CPED1: variants seen among roughly 807,000 people sequenced by gnomAD.
CPED1 encodes cadherin-like and PC-esterase domain-containing protein 1.
CPED1 carries 114 observed loss-of-function variants against 128.2 expected under a neutral mutation model. The ratio of observed to expected loss-of-function variants is 0.89; its 90% confidence interval spans 0.76 to 1.04. The LOEUF is 1.04. Ranked by LOEUF, CPED1 falls within the 50% of genes least tolerant of loss-of-function variation. CPED1 has a pLI of 0.00. For missense variants in CPED1, 1,211 were observed against 1,207.1 expected, an observed-to-expected ratio of 1.00 and a Z score of -0.05; for synonymous variants, 462 against 426.7, an observed-to-expected ratio of 1.08 and a Z score of -1.02.
At chr7:121,147,134 A>T (rs1038273062) in intron 16 of CPED1, among the ~76,000 whole-genome samples, 1 of 152,122 alleles carries the variant, frequency 6.6e-6, no homozygotes, top group Non-Finnish European at 1.5e-5. Flanking sequence ...CTGTATTTCT[A>T]CTGTCCTATG....
chr7:121,129,337 GTATATA>G (rs756336162), intron 11 of CPED1, among the ~76,000 whole-genome samples: 1 of 57,854 alleles, frequency 1.7e-5, no homozygotes, highest in Non-Finnish European at 3.5e-5. Flanking sequence ...ATATATATAC[GTATATA>G]TATATATACA....
At chr7:121,073,782 A>G (rs1325960043) in intron 5 of CPED1, among the ~76,000 whole-genome samples, 1 of 145,950 alleles carries the variant, frequency 6.9e-6, no homozygotes, top group Non-Finnish European at 1.5e-5. Context: ...CAAGATCCAT[A>G]TCTTGAAACC....
intron 22 of CPED1, among the ~76,000 whole-genome samples, chr7:121,284,404 G>T (rs531312605): frequency 6.6e-6 from 1 of 152,114 alleles, no homozygotes; most frequent in Admixed American, 6.5e-5. Context: ...ATTTCAAAAC[G>T]TAATCATGCC....
In CPED1 at chr7:121,271,283, G is replaced by C; in HGVS notation, c.2722-1G>C. On this transcript the variant is annotated splice_acceptor_variant, in intron 21 of 22. Transcript: ENST00000310396. LOFTEE classifies it high-confidence loss of function. ...TTCTCATTCTTCTGCTTTCCAATCA[G>C]AGTGAAGTACAGAACTTATGGAAAG... 6.2e-7 allele frequency: 1 copy of C among 1,605,984 alleles called. No individual in the cohort carries two copies. The highest frequency in any genetic ancestry group is 8.5e-7 in the Non-Finnish European group (1 of 1,175,544).
intron 16 of CPED1, among the ~76,000 whole-genome samples, chr7:121,189,538 C>G (rs544902468): frequency 1.3e-5 from 2 of 151,856 alleles, no homozygotes; most frequent in South Asian, 4.2e-4. Flanking sequence ...CACCAGGTCC[C>G]TCCCCCAACA....
At chr7:121,143,911 A>G (rs1284736083) in intron 16 of CPED1, among the ~76,000 whole-genome samples, 2 of 152,068 alleles carry the variant, frequency 1.3e-5, no homozygotes, top group Non-Finnish European at 2.9e-5. Flanking sequence ...AAAAAAATTC[A>G]GTAAGAAAGG....
At chr7:121,137,753 A>T (rs1229377088) in intron 14 of CPED1, among the ~76,000 whole-genome samples, 3 of 151,980 alleles carry the variant, frequency 2.0e-5, no homozygotes, top group African/African-American at 7.2e-5. Flanking sequence ...AATACATGCT[A>T]CTCCATTCTC....
chr7:121,217,644 A>C (rs1320341032), intron 16 of CPED1, among the ~76,000 whole-genome samples: 1 of 152,034 alleles, frequency 6.6e-6, no homozygotes, highest in Non-Finnish European at 1.5e-5. Context: ...AGCTTGTGAC[A>C]GACTTGATAG....
At chr7:121,168,889 C>A (rs1796592665) in intron 16 of CPED1, among the ~76,000 whole-genome samples, 1 of 152,082 alleles carries the variant, frequency 6.6e-6, no homozygotes, top group Non-Finnish European at 1.5e-5. Flanking sequence ...AAGGTAGACA[C>A]TTCAGTATGG....
At chr7:121,232,606 C>G (rs10953932) in intron 16 of CPED1, among the ~76,000 whole-genome samples, 69,180 of 151,896 alleles carry the variant, frequency 0.46, 16,416 homozygotes, top group Middle Eastern at 0.56. Flanking sequence ...GTCAGTTCTT[C>G]TGGGGAAAGG....
At chr7:121,155,053 A>G (rs999217343) in intron 16 of CPED1, among the ~76,000 whole-genome samples, 4 of 152,158 alleles carry the variant, frequency 2.6e-5, no homozygotes, top group African/African-American at 9.7e-5. Flanking sequence ...ACAAAAATCA[A>G]TGGCATTTAT....
chr7:121,269,472 T>C (rs917698009), intron 21 of CPED1, among the ~76,000 whole-genome samples: 10 of 152,072 alleles, frequency 6.6e-5, no homozygotes, highest in Non-Finnish European at 1.3e-4. Flanking sequence ...AATGCATGTC[T>C]TTTTGGTAGG....
At chr7:121,260,837 C>T (rs1272639915) in intron 18 of CPED1, among the ~76,000 whole-genome samples, 1 of 152,016 alleles carries the variant, frequency 6.6e-6, no homozygotes, top group Admixed American at 6.6e-5. Context: ...GCTACCACTT[C>T]TGTAAATATT....
rs567832673 is a variant in CPED1, at chr7:121,296,181, A to T, written c.*529A>T. ...ATGCTTATGAAAAACATTTCTTCCT[A>T]TACTTTTTAAATTTTATTACTGAAA... On this transcript the variant is annotated 3_prime_UTR_variant, in exon 23 of 23. Coordinates refer to ENST00000310396, the MANE Select transcript of CPED1 (RefSeq NM_024913.5). The T allele has an allele frequency of 2.0e-5, 3 of 152,632 alleles. No individual in the cohort carries two copies. Among genetic ancestry groups the T allele is most frequent in the African/African-American group, 4.8e-5 (2 of 41,454 alleles). 9.5% of individuals were successfully genotyped at this position (152,632 alleles called of 1,614,324 possible).
intron 2 of CPED1, among the ~76,000 whole-genome samples, 170 bp downstream of exon 2, chr7:120,990,040 C>G (rs536597195): frequency 9.9e-5 from 15 of 152,272 alleles, no homozygotes; most frequent in African/African-American, 3.4e-4. Flanking sequence ...TAAGCTTCAA[C>G]TTCTTATAGT....
chr7:121,075,010 A>G (rs1794086722), intron 5 of CPED1, among the ~76,000 whole-genome samples: 1 of 152,120 alleles, frequency 6.6e-6, no homozygotes. Context: ...GCAGCTACAG[A>G]CCTCAATCTG....
intron 2 of CPED1, among the ~76,000 whole-genome samples, chr7:120,990,550 C>A (rs1229636124): frequency 1.3e-5 from 2 of 151,898 alleles, no homozygotes; most frequent in South Asian, 2.1e-4. Flanking sequence ...CAAAGTAACA[C>A]AGGATTTCTA....
At chr7:121,211,126 T>C (rs1409804029) in intron 16 of CPED1, among the ~76,000 whole-genome samples, 1 of 152,106 alleles carries the variant, frequency 6.6e-6, no homozygotes, top group Non-Finnish European at 1.5e-5. Flanking sequence ...TTCCATAAAC[T>C]TTTTAGAGTA....
intron 5 of CPED1, among the ~76,000 whole-genome samples, chr7:121,067,626 C>T (rs1793873964): frequency 6.6e-6 from 1 of 152,138 alleles, no homozygotes; most frequent in Non-Finnish European, 1.5e-5. Context: ...TGGGTATATA[C>T]CCAGTAATGG....
Sources: gnomAD v4.1 joint callset for allele counts (sites outside exome capture counted in the v4.1 genomes callset) on GRCh38, gnomAD v4.1.1 for gene constraint, MANE v1.5 for transcripts, NCBI Gene and HGNC (gene_info 2026-07-23, HGNC 2026-07-21) for gene names.